Variants in CDC42 observed in about 807,000 individuals in gnomAD.
CDC42 encodes the protein cell division cycle 42.
A neutral mutation model predicts 20.8 loss-of-function variants in CDC42; 1 was observed. The observed-to-expected ratio is 0.05, with a 90% CI of 0.02 to 0.23. The LOEUF (loss-of-function observed/expected upper bound fraction) is 0.23. CDC42 is among the 10% of genes least tolerant of loss of function. The probability of loss-of-function intolerance (pLI) is 1.00; values close to 1 mark genes in which losing one functional copy is unlikely to be tolerated. For synonymous variants in CDC42, 72 were observed against 84.8 expected, an observed-to-expected ratio of 0.85 and a Z score of 0.83; for missense variants, 49 against 227.9, an observed-to-expected ratio of 0.21 and a Z score of 5.05.
At chr1:22,082,074 A>T (rs1052563821) in intron 3 of CDC42, among the ~76,000 whole-genome samples, 1 of 152,170 alleles carries the variant, frequency 6.6e-6, no homozygotes, top group Non-Finnish European at 1.5e-5. Context: ...TAAAATCCTG[A>T]TGCGTGCACC....
chr1:22,055,103 GCCA>G (rs1055809452), intron 1 of CDC42, among the ~76,000 whole-genome samples: 11 of 150,180 alleles, frequency 7.3e-5, no homozygotes, highest in Non-Finnish European at 1.5e-4. Context: ...ACAGGCGCCC[GCCA>G]CCACGCCCGG....
chr1:22,062,286 G>A (rs1479865361), intron 1 of CDC42, among the ~76,000 whole-genome samples: 1 of 152,220 alleles, frequency 6.6e-6, no homozygotes, highest in Non-Finnish European at 1.5e-5. Context: ...AATTGTTTGA[G>A]AATCTGAATG....
At chr1:22,080,099 A>G (rs1645592931) in intron 2 of CDC42, among the ~76,000 whole-genome samples, 1 of 152,268 alleles carries the variant, frequency 6.6e-6, no homozygotes, top group African/African-American at 2.4e-5. Flanking sequence ...ATAGAAATTC[A>G]GAGCTGGATG....
chr1:22,083,602 CT>C (rs1455045004), intron 3 of CDC42, among the ~76,000 whole-genome samples: 1 of 150,828 alleles, frequency 6.6e-6, no homozygotes, highest in African/African-American at 2.4e-5. Context: ...GAGACTCCGT[CT>C]TTAAAAAAAA....
intron 3 of CDC42, among the ~76,000 whole-genome samples, chr1:22,085,073 A>G (rs1309084068): frequency 6.6e-6 from 1 of 151,976 alleles, no homozygotes; most frequent in Admixed American, 6.6e-5. Flanking sequence ...GTCTACTAAA[A>G]ATACAAAAAT....
Position 22,069,613 on chromosome 1 carries a change from CTTTTTTTTTTTTTTTTT to C in CDC42, c.-50-8806_-50-8790del, listed in dbSNP as rs56218067. On this transcript the variant is annotated intron_variant, in intron 1 of 5. Coordinates refer to ENST00000656825, the MANE Select transcript of CDC42 (RefSeq NM_001791.4). ...TTGGGACTACAGGCACATGCCACCA[CTTTTTTTTTTTTTTTTT>C]TTTTTTTTTAATTTTTTGTAGAGAT... 3.6e-4 allele frequency among the ~76,000 whole-genome samples: 40 copies of C among 109,752 alleles called. No homozygotes were observed. The South Asian group carries it at 0.011, about 31-fold the overall frequency. 72.0% of individuals were successfully genotyped at this position (109,752 alleles called of 152,430 possible). A position where few individuals can be genotyped will look rare whatever the true frequency, so the allele number is the denominator to read the frequency against.
chr1:22,072,863 T>A lies in CDC42; in HGVS notation c.-50-5566T>A, dbSNP rs180720620. Reference sequence around the variant, plus strand: ...AAATATTTGGTGTATTACCAAAAATTTGACTTGCCTTTTATTCACAGTTAC... The same window carrying A: ...AAATATTTGGTGTATTACCAAAAATATGACTTGCCTTTTATTCACAGTTAC... On this transcript the variant is annotated intron_variant, in intron 1 of 5. Coordinates refer to ENST00000656825, the MANE Select transcript of CDC42 (RefSeq NM_001791.4). Among the ~76,000 whole-genome samples the A allele has an allele frequency of 2.8e-4, 42 of 152,280 alleles. 1 individual carries two copies. In the East Asian group the frequency reaches 5.6e-3, roughly 20 times the overall value.
At chr1:22,072,090 CCTTT>C (rs1233660421) in intron 1 of CDC42, among the ~76,000 whole-genome samples, 4 of 106,652 alleles carry the variant, frequency 3.8e-5, no homozygotes, top group Admixed American at 1.3e-4. Context: ...GTTTTACTTA[CCTTT>C]TTTTTTTTTT....
chr1:22,056,375 A>G (rs1645304975), intron 1 of CDC42, among the ~76,000 whole-genome samples: 1 of 152,166 alleles, frequency 6.6e-6, no homozygotes, highest in Non-Finnish European at 1.5e-5. Flanking sequence ...TGTCTGGACA[A>G]TTTACCATCA....
chr1:22,057,533 C>T (rs1403970217), intron 1 of CDC42, among the ~76,000 whole-genome samples: 5 of 151,828 alleles, frequency 3.3e-5, no homozygotes, highest in African/African-American at 1.2e-4. Context: ...TGCAGGCATG[C>T]GTCAGCGCCC....
chr1:22,100,242 G>A lies in CDC42; in HGVS notation c.*8725G>A, dbSNP rs1645782079. The stretch of plus-strand genomic sequence containing the variant: ...TCTGCAAACGGTCAGGGATACTCAT[G>A]CAGTTTTTGAGTTTAAGTAGTAAAC... On this transcript the variant is annotated 3_prime_UTR_variant, in exon 6 of 6. Transcript: ENST00000656825. Among the ~76,000 whole-genome samples the A allele has an allele frequency of 6.6e-6, 1 of 152,048 alleles. No homozygotes were observed. Among genetic ancestry groups the A allele is most frequent in the Non-Finnish European group, 1.5e-5 (1 of 67,994 alleles).
At chr1:22,073,538 CAAAAAAA>C (rs879917377) in intron 1 of CDC42, among the ~76,000 whole-genome samples, 1 of 92,362 alleles carries the variant, frequency 1.1e-5, no homozygotes, top group Non-Finnish European at 2.3e-5. Context: ...AACTCTGTCT[CAAAAAAA>C]AAAAAAGAAA....
chr1:22,087,910 G>A (rs1478933188), intron 5 of CDC42, among the ~76,000 whole-genome samples: 3 of 152,158 alleles, frequency 2.0e-5, no homozygotes, highest in African/African-American at 7.2e-5. Flanking sequence ...TAATTTAATA[G>A]TAAGTTTAGT....
intron 2 of CDC42, 141 bp downstream of exon 2, chr1:22,078,724 T>G: frequency 6.7e-7 from 1 of 1,500,672 alleles, no homozygotes; most frequent in Non-Finnish European, 8.9e-7. Flanking sequence ...TTCTCATGGG[T>G]AAATTATATA....
In CDC42 at chr1:22,098,024, C is replaced by T. The variant is rs1183233390; in HGVS notation, c.*6507C>T. Among the ~76,000 whole-genome samples the T allele has an allele frequency of 6.6e-6, 1 of 152,102 alleles. No homozygotes were observed. Among genetic ancestry groups the T allele is most frequent in the Admixed American group, 6.5e-5 (1 of 15,286 alleles). ...AATAGAGCACAGGATCATAACTGTTCTGTTTGCTCTGATGCGTCCCGCAGA... is the reference window on the plus strand; with the variant it reads ...AATAGAGCACAGGATCATAACTGTTTTGTTTGCTCTGATGCGTCCCGCAGA... On this transcript the variant is annotated 3_prime_UTR_variant, in exon 6 of 6. Transcript: ENST00000656825.
At chr1:22,071,901 C>A (rs983641284) in intron 1 of CDC42, among the ~76,000 whole-genome samples, 9 of 152,126 alleles carry the variant, frequency 5.9e-5, no homozygotes, top group African/African-American at 1.9e-4. Flanking sequence ...AATTCTGATA[C>A]TCCCACCCCA....
chr1:22,091,219 A>G (rs1381259595), intron 5 of CDC42, among the ~76,000 whole-genome samples: 5 of 152,200 alleles, frequency 3.3e-5, no homozygotes, highest in Admixed American at 2.0e-4. Context: ...CTCACTCATG[A>G]ATATCTGCTC....
At chr1:22,079,537 T>C (rs1645587315) in intron 2 of CDC42, among the ~76,000 whole-genome samples, 2 of 152,080 alleles carry the variant, frequency 1.3e-5, no homozygotes. Flanking sequence ...AGAGTAACAC[T>C]CATTTGTGAA....
chr1:22,089,499 A>T (rs945802610), intron 5 of CDC42, among the ~76,000 whole-genome samples: 5 of 152,182 alleles, frequency 3.3e-5, no homozygotes, highest in African/African-American at 1.2e-4. Flanking sequence ...CACAATTAAC[A>T]CTTTTTAAAT....
Sources: gnomAD v4.1 joint callset for allele counts (sites outside exome capture counted in the v4.1 genomes callset) on GRCh38, gnomAD v4.1.1 for gene constraint, MANE v1.5 for transcripts, NCBI Gene and HGNC (gene_info 2026-07-23, HGNC 2026-07-21) for gene names.